Variants in GRIK4 observed in about 807,000 individuals in gnomAD.
GRIK4 encodes the protein glutamate ionotropic receptor kainate type subunit 4, also known as glutamate receptor ionotropic, kainate 4.
GRIK4 carries 40 observed loss-of-function variants against 104.9 expected under a neutral mutation model. The observed-to-expected ratio is 0.38, with a 90% CI of 0.30 to 0.50. The LOEUF (loss-of-function observed/expected upper bound fraction) is 0.50, where lower values mean the gene tolerates loss of function less well. Among genes scored for constraint, GRIK4 ranks in the 20% least tolerant of loss-of-function variants. GRIK4 has a pLI of 0.93. For synonymous variants in GRIK4, 485 were observed against 524.9 expected (o/e 0.92, Z 1.04); for missense variants, 1,047 against 1,308.1 (o/e 0.80, Z 3.08).
intron 3 of GRIK4, among the ~76,000 whole-genome samples, chr11:120,722,357 G>A (rs1046145141): frequency 6.6e-6 from 1 of 152,186 alleles, no homozygotes; most frequent in Non-Finnish European, 1.5e-5. Context: ...AGTGGCTCAT[G>A]CCTGTAATCC....
At chr11:120,529,732 TC>T (rs1947903711) in intron 1 of GRIK4, among the ~76,000 whole-genome samples, 1 of 152,232 alleles carries the variant, frequency 6.6e-6, no homozygotes, top group African/African-American at 2.4e-5. Context: ...TCAACCACCA[TC>T]CCCGCTGTGT....
chr11:120,853,306 C>T (rs180899755), intron 8 of GRIK4, among the ~76,000 whole-genome samples: 61 of 152,132 alleles, frequency 4.0e-4, no homozygotes, highest in African/African-American at 1.4e-3. Flanking sequence ...AAGGAGTATT[C>T]GGTGAGGGGG....
intron 1 of GRIK4, among the ~76,000 whole-genome samples, chr11:120,558,661 G>A (rs560654259): frequency 1.6e-4 from 24 of 152,342 alleles, no homozygotes; most frequent in African/African-American, 5.5e-4. Flanking sequence ...TTGTGCTGAT[G>A]AAGGCACACA....
intron 8 of GRIK4, chr11:120,859,147 T>G (rs1413733622): frequency 6.6e-6 from 1 of 152,018 alleles, no homozygotes; most frequent in East Asian, 1.9e-4. Context: ...GAACATGCAT[T>G]TGAAGGGAAT....
chr11:120,703,928 A>G (rs1317028693), intron 3 of GRIK4, among the ~76,000 whole-genome samples: 2 of 152,184 alleles, frequency 1.3e-5, no homozygotes, highest in African/African-American at 2.4e-5. Flanking sequence ...GATGCTTACA[A>G]AATTGTGGGA....
At chr11:120,668,105 A>G (rs201614332) in intron 3 of GRIK4, among the ~76,000 whole-genome samples, 36 of 55,896 alleles carry the variant, frequency 6.4e-4, no homozygotes, top group African/African-American at 1.8e-3. Flanking sequence ...ATAGATGGAT[A>G]GATAGATAGA....
chr11:120,776,065 CA>C (rs1212264490), intron 3 of GRIK4, among the ~76,000 whole-genome samples: 1 of 152,228 alleles, frequency 6.6e-6, no homozygotes, highest in Non-Finnish European at 1.5e-5. Context: ...GTGTTAATAA[CA>C]CTTAATAAAT....
At chr11:120,762,181 G>A (rs1181420466) in intron 3 of GRIK4, among the ~76,000 whole-genome samples, 1 of 152,050 alleles carries the variant, frequency 6.6e-6, no homozygotes, top group Non-Finnish European at 1.5e-5. Context: ...GTATTCCTAG[G>A]TATTTTATTC....
intron 6 of GRIK4, among the ~76,000 whole-genome samples, chr11:120,824,854 TTTA>T (rs902495232): frequency 4.0e-5 from 6 of 151,894 alleles, no homozygotes; most frequent in African/African-American, 9.7e-5. Context: ...CTGGCCTTAT[TTTA>T]TTATTATTAT....
intron 1 of GRIK4, among the ~76,000 whole-genome samples, chr11:120,590,450 C>A (rs1464813407): frequency 2.0e-5 from 3 of 152,210 alleles, no homozygotes; most frequent in African/African-American, 7.2e-5. Context: ...GGTCTGCAGC[C>A]CTAGATGAGT....
chr11:120,695,951 G>A (rs1305462654), intron 3 of GRIK4, among the ~76,000 whole-genome samples: 1 of 152,168 alleles, frequency 6.6e-6, no homozygotes, highest in Non-Finnish European at 1.5e-5. Context: ...TAGGAGGAGG[G>A]CCCAGGCTCT....
chr11:120,736,332 T>C (rs530118451), intron 3 of GRIK4, among the ~76,000 whole-genome samples: 3 of 152,044 alleles, frequency 2.0e-5, no homozygotes, highest in Non-Finnish European at 4.4e-5. Flanking sequence ...TCTTTACTCT[T>C]CTCTCTTCTG....
intron 3 of GRIK4, among the ~76,000 whole-genome samples, chr11:120,752,974 G>A (rs138404118): frequency 5.3e-5 from 8 of 152,350 alleles, no homozygotes; most frequent in East Asian, 1.9e-4. Flanking sequence ...GTGCCTCCTC[G>A]TGGGCCAGTC....
intron 1 of GRIK4, among the ~76,000 whole-genome samples, chr11:120,520,119 C>T (rs1419958586): frequency 6.6e-6 from 1 of 152,074 alleles, no homozygotes; most frequent in East Asian, 1.9e-4. Context: ...TCTCAAACTC[C>T]CGGCCTCAGG....
At chr11:120,638,768 C>T (rs1426705438) in intron 1 of GRIK4, among the ~76,000 whole-genome samples, 1 of 152,022 alleles carries the variant, frequency 6.6e-6, no homozygotes, top group Non-Finnish European at 1.5e-5. Context: ...TGAGCCACCG[C>T]GCCTGGCCCA....
chr11:120,844,830 T>G (rs1953811822), intron 8 of GRIK4, among the ~76,000 whole-genome samples: 2 of 152,208 alleles, frequency 1.3e-5, no homozygotes, highest in Admixed American at 6.5e-5. Context: ...TCAGGGGTTC[T>G]GCTGAGTGAG....
At chr11:120,584,116 A>G (rs1264143929) in intron 1 of GRIK4, among the ~76,000 whole-genome samples, 1 of 152,180 alleles carries the variant, frequency 6.6e-6, no homozygotes, top group Non-Finnish European at 1.5e-5. Context: ...TTTTGAGCAG[A>G]GACTGTGGGG....
chr11:120,727,312 TAAAGACTAAAC>T, intron 3 of GRIK4, among the ~76,000 whole-genome samples: 1 of 151,984 alleles, frequency 6.6e-6, no homozygotes, highest in South Asian at 2.1e-4. Flanking sequence ...GTGAGGAAAA[TAAAGACTAAAC>T]AAAGAGAAAG....
chr11:120,679,009 G>A (rs1298286477), intron 3 of GRIK4, among the ~76,000 whole-genome samples: 1 of 151,998 alleles, frequency 6.6e-6, no homozygotes, highest in African/African-American at 2.4e-5. Context: ...GAATAGGGGT[G>A]GGAGTGCAGA....
Sources: gnomAD v4.1 joint callset for allele counts (sites outside exome capture counted in the v4.1 genomes callset) on GRCh38, gnomAD v4.1.1 for gene constraint, MANE v1.5 for transcripts, NCBI Gene and HGNC (gene_info 2026-07-23, HGNC 2026-07-21) for gene names.